The following NXPH1 variants were observed in gnomAD, a reference collection of about 807,000 sequenced individuals.
NXPH1 encodes the protein neurexophilin 1.
NXPH1 carries 5 observed loss-of-function variants against 23.7 expected under a neutral mutation model. The observed-to-expected ratio is 0.21, with a 90% confidence interval of 0.11 to 0.44. The LOEUF is 0.44. Among genes scored for constraint, NXPH1 ranks in the 20% least tolerant of loss-of-function variants. The pLI, the probability that NXPH1 is intolerant of heterozygous loss-of-function variation, is 0.99. For synonymous variants in NXPH1, 144 were observed against 122.2 expected (o/e 1.18, Z -1.18); for missense variants, 324 against 321.6 (o/e 1.01, Z -0.06).
chr7:8,435,732 T>C lies in NXPH1; in HGVS notation c.19T>C (p.Tyr7His). MQAACW[Y>H]VLFLLQPTVY... ...CGGGAGAATGCAGGCTGCGTGCTGGTACGTGCTTTTCCTCCTGCAGCCCAC... is the reference window on the plus strand; with the variant it reads ...CGGGAGAATGCAGGCTGCGTGCTGGCACGTGCTTTTCCTCCTGCAGCCCAC... Residue 7 changes from tyrosine (Y) to histidine (H), a missense_variant, in exon 2 of 3, where the codon TAC becomes CAC. Tyr to His is a moderately conservative substitution (Grantham distance 83). Transcript: ENST00000405863. This position sits in a 1 kb window ranked among gnomAD's most constrained non-coding sequence, Gnocchi z 5.9. The C allele has an allele frequency of 6.2e-7, 1 of 1,614,010 alleles. No homozygotes were observed. Among genetic ancestry groups the C allele is most frequent in the Non-Finnish European group, 8.5e-7 (1 of 1,179,884 alleles).
intron 2 of NXPH1, among the ~76,000 whole-genome samples, chr7:8,479,249 G>A (rs1584183219): frequency 6.6e-6 from 1 of 152,054 alleles, no homozygotes; most frequent in African/African-American, 2.4e-5. Context: ...ATGTTAAAAT[G>A]TTTAAAAGCT....
intron 2 of NXPH1, among the ~76,000 whole-genome samples, chr7:8,711,965 C>T (rs1779803078): frequency 6.6e-6 from 1 of 152,200 alleles, no homozygotes; most frequent in Non-Finnish European, 1.5e-5. Flanking sequence ...CAATTATGTT[C>T]ACATTATCTG....
intron 2 of NXPH1, among the ~76,000 whole-genome samples, chr7:8,446,826 T>C (rs2128604869): frequency 6.6e-6 from 1 of 152,270 alleles, no homozygotes; most frequent in African/African-American, 2.4e-5. Context: ...CTGAGAATTA[T>C]ACACGGTTAA....
chr7:8,615,399 G>A (rs1819713369), intron 2 of NXPH1, among the ~76,000 whole-genome samples: 1 of 152,014 alleles, frequency 6.6e-6, no homozygotes, highest in Admixed American at 6.6e-5. Context: ...AGGTTGTTGA[G>A]AGGATTCGAT....
At chr7:8,621,645 G>A (rs917698792) in intron 2 of NXPH1, among the ~76,000 whole-genome samples, 2 of 151,780 alleles carry the variant, frequency 1.3e-5, no homozygotes, top group Admixed American at 6.6e-5. Flanking sequence ...CTGGCACCAC[G>A]CCGGCTAATT....
At chr7:8,484,681 T>C (rs536699524) in intron 2 of NXPH1, among the ~76,000 whole-genome samples, 22 of 152,186 alleles carry the variant, frequency 1.4e-4, no homozygotes, top group Non-Finnish European at 2.9e-4. Flanking sequence ...AAACTCAAGG[T>C]ATCACTTTTG....
rs1347019696 is a variant in NXPH1 at position 8,585,180 on chromosome 7, T to G, written c.54+149413T>G. Among the ~76,000 whole-genome samples the G allele has an allele frequency of 2.6e-5, 4 of 152,336 alleles. No individual in the cohort carries two copies. In the South Asian group the frequency reaches 6.2e-4, roughly 24 times the overall value. ...TGCAACATCTGGTAACATGAAATAC[T>G]TCGTTTGCTTATAATTCTTTCTTCT... is the stretch of plus-strand genomic sequence containing the variant. On this transcript the variant is annotated intron_variant, in intron 2 of 2. Transcript: ENST00000405863.
intron 2 of NXPH1, among the ~76,000 whole-genome samples, chr7:8,620,670 G>T (rs766871507): frequency 6.6e-6 from 1 of 152,164 alleles, no homozygotes; most frequent in Non-Finnish European, 1.5e-5. Flanking sequence ...ATGTCAAGCT[G>T]ACAAAAAAGC....
chr7:8,669,532 A>T (rs1820833408), intron 2 of NXPH1, among the ~76,000 whole-genome samples: 1 of 152,102 alleles, frequency 6.6e-6, no homozygotes, highest in African/African-American at 2.4e-5. Flanking sequence ...TATTAGCCTG[A>T]ATTCTGGGAG....
intron 2 of NXPH1, among the ~76,000 whole-genome samples, chr7:8,572,863 A>G (rs1214353991): frequency 6.6e-6 from 1 of 152,022 alleles, no homozygotes; most frequent in Non-Finnish European, 1.5e-5. Flanking sequence ...ACTTCCATCA[A>G]GGGTCATTTG....
chr7:8,551,030 A>G (rs1317838239), intron 2 of NXPH1, among the ~76,000 whole-genome samples: 3 of 151,500 alleles, frequency 2.0e-5, no homozygotes, highest in African/African-American at 7.3e-5. Flanking sequence ...TACAGTTTTA[A>G]ATAAAACTTC....
At chr7:8,748,702 G>C (rs189894492) in intron 2 of NXPH1, among the ~76,000 whole-genome samples, 2 of 152,302 alleles carry the variant, frequency 1.3e-5, no homozygotes, top group Admixed American at 1.3e-4. Context: ...GCCTCAAAGA[G>C]TTCACAGTTT....
chr7:8,691,907 T>C lies in NXPH1; in HGVS notation c.55-59101T>C, dbSNP rs80029372. Among the ~76,000 whole-genome samples the C allele has an allele frequency of 9.4e-3, 1,430 of 152,210 alleles. 14 individuals carry two copies. The highest frequency in any genetic ancestry group is 0.032 in the African/African-American group (1,334 of 41,530). On this transcript the variant is annotated intron_variant, in intron 2 of 2. Transcript: ENST00000405863. The stretch of plus-strand genomic sequence containing the variant: ...TTATGGAGTCACAGAGTTGCTGCCT[T>C]CTAGGTTAGGGAAAGTCTTTTGAAG...
intron 2 of NXPH1, among the ~76,000 whole-genome samples, chr7:8,495,625 G>A (rs7793115): frequency 0.091 from 13,886 of 152,032 alleles, 717 homozygotes; most frequent in African/African-American, 0.13. Flanking sequence ...TGATTTAGGA[G>A]GAGATGTAAC....
chr7:8,546,105 C>A (rs1388891947), intron 2 of NXPH1, among the ~76,000 whole-genome samples: 1 of 151,358 alleles, frequency 6.6e-6, no homozygotes, highest in Non-Finnish European at 1.5e-5. Flanking sequence ...AAGCTGAAAC[C>A]TCTTTTTCAT....
intron 2 of NXPH1, among the ~76,000 whole-genome samples, chr7:8,562,439 C>G (rs1259267252): frequency 1.3e-5 from 2 of 151,616 alleles, no homozygotes; most frequent in East Asian, 3.9e-4. Context: ...TGATTCATTT[C>G]CTTGAAGCAA....
chr7:8,574,287 CA>C (rs1434475347), intron 2 of NXPH1, among the ~76,000 whole-genome samples: 3 of 151,986 alleles, frequency 2.0e-5, no homozygotes, highest in African/African-American at 4.8e-5. Context: ...AAATTAAAAA[CA>C]TTTTTTTAAG....
At chr7:8,709,904 TACTG>T (rs1779760493) in intron 2 of NXPH1, among the ~76,000 whole-genome samples, 1 of 152,222 alleles carries the variant, frequency 6.6e-6, no homozygotes, top group Non-Finnish European at 1.5e-5. Flanking sequence ...TAGTTGAACT[TACTG>T]CCTCAGGAAT....
chr7:8,543,754 C>T (rs1374190852), intron 2 of NXPH1, among the ~76,000 whole-genome samples: 1 of 151,578 alleles, frequency 6.6e-6, no homozygotes, highest in Non-Finnish European at 1.5e-5. Context: ...TTAATAAATG[C>T]TTGTCCACCT....
Sources: gnomAD v4.1 joint callset for allele counts (sites outside exome capture counted in the v4.1 genomes callset) on GRCh38, gnomAD v4.1.1 for gene constraint, Gnocchi (gnomAD v3.1) non-coding constraint, MANE v1.5 for transcripts, NCBI Gene and HGNC (gene_info 2026-07-23, HGNC 2026-07-21) for gene names.